Variants in PDGFRA observed in about 807,000 individuals in gnomAD.
PDGFRA encodes platelet derived growth factor receptor alpha.
PDGFRA carries 25 observed loss-of-function variants against 121.5 expected under a neutral mutation model. The ratio of observed to expected loss-of-function variants is 0.21; its 90% CI spans 0.15 to 0.29. PDGFRA has a LOEUF of 0.29. Ranked by LOEUF, PDGFRA falls within the 10% of genes least tolerant of loss-of-function variation. The probability of loss-of-function intolerance (pLI) is 1.00; values close to 1 mark genes in which losing one functional copy is unlikely to be tolerated. For synonymous variants in PDGFRA, 463 were observed against 494.8 expected, an observed-to-expected ratio of 0.94 and a Z score of 0.85; for missense variants, 1,008 against 1,345.1, an observed-to-expected ratio of 0.75 and a Z score of 3.92.
At position 54,235,082 on chromosome 4, in the gene PDGFRA, T is replaced by C. The variant is rs568190532; in HGVS notation, c.-13+5667T>C. On this transcript the variant is annotated intron_variant, in intron 1 of 22. Coordinates refer to ENST00000257290, the MANE Select transcript of PDGFRA (RefSeq NM_006206.6). Reference sequence around the variant, plus strand: ...GAAAACAGGGAGAAGTTTCCACCAGTGTAGACCTGCACTTGGTTTGCCTGG... The same window carrying C: ...GAAAACAGGGAGAAGTTTCCACCAGCGTAGACCTGCACTTGGTTTGCCTGG... 3.9e-5 allele frequency among the ~76,000 whole-genome samples: 6 copies of C among 152,268 alleles called. No homozygotes were observed. In the East Asian group the frequency reaches 1.2e-3, roughly 29 times the overall value.
At position 54,264,634 on chromosome 4, in the gene PDGFRA, G is replaced by A. The variant is rs1307196929; in HGVS notation, c.629-285G>A. On this transcript the variant is annotated intron_variant, in intron 4 of 22. Coordinates refer to ENST00000257290, the MANE Select transcript of PDGFRA (RefSeq NM_006206.6). ...TTTATTAGTCAAGGAGATTGTGGAC[G>A]AGTATAACCATAACTAACCCACTGC... 11 of 367,706 alleles carry A rather than the reference G, an allele frequency of 3.0e-5. 1 individual carries two copies. The highest frequency in any genetic ancestry group is 2.2e-4 in the South Asian group (9 of 40,866). The allele number at this position is 367,706 out of a possible 1,614,324, so 22.8% of individuals were successfully genotyped here.
At position 54,296,172 on chromosome 4, in the gene PDGFRA, A is replaced by G. The variant is rs530757425; in HGVS notation, c.*900A>G. Reference sequence around the variant, plus strand: ...CCAGGAAGTCAGAATTTTTAACTGTACTGAATAGGTTCCCCAATCCATCGT... The same window carrying G: ...CCAGGAAGTCAGAATTTTTAACTGTGCTGAATAGGTTCCCCAATCCATCGT... On this transcript the variant is annotated 3_prime_UTR_variant, in exon 23 of 23. Transcript: ENST00000257290. 3 of 232,924 alleles carry G rather than the reference A, an allele frequency of 1.3e-5. No individual in the cohort carries two copies. Among genetic ancestry groups the G allele is most frequent in the Non-Finnish European group, 2.5e-5 (3 of 117,760 alleles). The allele number at this position is 232,924 out of a possible 1,614,324, so 14.4% of individuals were successfully genotyped here. A position where few individuals can be genotyped will look rare whatever the true frequency, so the allele number is the denominator to read the frequency against.
chr4:54,242,256 T>C (rs1266811066), intron 1 of PDGFRA, among the ~76,000 whole-genome samples: 1 of 151,884 alleles, frequency 6.6e-6, no homozygotes, highest in Non-Finnish European at 1.5e-5. Flanking sequence ...ATTTTCTCAC[T>C]TGAATTTTTT....
rs770239193 is a variant in PDGFRA, at chr4:54,277,508, TGGGGATTTTTTGAGCAC to T, written c.1891+33_1891+49del. 41 of 1,562,134 alleles carry T rather than the reference TGGGGATTTTTTGAGCAC, an allele frequency of 2.6e-5. No homozygotes were observed. In the African/African-American group the frequency reaches 2.7e-4, roughly 10 times the overall value. Reference sequence around the variant, plus strand: ...ATGCTAAAACGTAAGTGCTCCTTCCTGGGGATTTTTTGAGCACGGGGATTTTTTGAGCATGGGGATAT... The same window carrying T: ...ATGCTAAAACGTAAGTGCTCCTTCCTGGGGATTTTTTGAGCATGGGGATAT... On this transcript the variant is annotated intron_variant, in intron 13 of 22. Transcript: ENST00000257290.
At chr4:54,293,749 A>ATTAGCT (rs761374594) in intron 22 of PDGFRA, among the ~76,000 whole-genome samples, 19 of 152,132 alleles carry the variant, frequency 1.2e-4, no homozygotes, top group Non-Finnish European at 2.2e-4. Flanking sequence ...TTAACTCAGC[A>ATTAGCT]CCAAGGTGGA....
chr4:54,281,676 C>T, intron 16 of PDGFRA: 1 of 1,361,932 alleles, frequency 7.3e-7, no homozygotes, highest in Non-Finnish European at 9.7e-7. Flanking sequence ...TTCTGGCCTT[C>T]CGTGACTATC....
At chr4:54,272,552 T>C in intron 9 of PDGFRA, 32 bp downstream of exon 9, 7 of 1,608,296 alleles carry the variant, frequency 4.4e-6, no homozygotes, top group Non-Finnish European at 5.9e-6. Context: ...TCTTCTTTCG[T>C]GGTCAGAATA....
At chr4:54,293,129 A>G (rs1316375686) in intron 22 of PDGFRA, among the ~76,000 whole-genome samples, 2 of 152,178 alleles carry the variant, frequency 1.3e-5, no homozygotes, top group African/African-American at 4.8e-5. Flanking sequence ...TAAGTTCACT[A>G]TGTCTCTATT....
At chr4:54,292,110 C>T (rs189352474) in intron 22 of PDGFRA, among the ~76,000 whole-genome samples, 3 of 152,212 alleles carry the variant, frequency 2.0e-5, no homozygotes, top group African/African-American at 7.2e-5. Flanking sequence ...GACAGTGTGG[C>T]GATTCCCCAA....
chr4:54,271,981 CCCCTCCCCTCCCCCCTCCCCCCCT>C (rs1723419055), intron 8 of PDGFRA, among the ~76,000 whole-genome samples: 1 of 5,970 alleles, frequency 1.7e-4, no homozygotes, highest in Non-Finnish European at 3.5e-4. Flanking sequence ...CCCTCCCCTC[CCCCTCCCCTCCCCCCTCCCCCCCT>C]CCCCTCCCCT....
chr4:54,263,988 T>G (rs1390764937), intron 4 of PDGFRA, 61 bp downstream of exon 4: 1 of 1,496,458 alleles, frequency 6.7e-7, no homozygotes, highest in Admixed American at 1.9e-5. Context: ...ATAAGGTGCG[T>G]GTAGGATTTT....
intron 16 of PDGFRA, chr4:54,281,940 G>A: frequency 9.0e-7 from 1 of 1,106,678 alleles, no homozygotes; most frequent in African/African-American, 1.6e-5. Flanking sequence ...TACTACAAAG[G>A]TGGCTTTAAA....
intron 21 of PDGFRA, among the ~76,000 whole-genome samples, chr4:54,289,857 G>T (rs1285906973): frequency 6.6e-6 from 1 of 152,226 alleles, no homozygotes; most frequent in Non-Finnish European, 1.5e-5. Context: ...GCTCTGACTG[G>T]TGGAAATGTG....
intron 3 of PDGFRA, among the ~76,000 whole-genome samples, chr4:54,261,929 ATAT>A (rs1553902515): frequency 4.8e-4 from 29 of 60,476 alleles, no homozygotes; most frequent in Non-Finnish European, 4.9e-4. Flanking sequence ...ATATATATAT[ATAT>A]TTTTTTTTTT....
intron 1 of PDGFRA, chr4:54,240,042 G>A (rs1054279094): frequency 2.6e-5 from 11 of 420,868 alleles, no homozygotes; most frequent in Non-Finnish European, 3.4e-5. Flanking sequence ...TTGTAGAGAC[G>A]GGGTTTTGCC....
chr4:54,267,549 C>T lies in PDGFRA; in HGVS notation c.932-3C>T, dbSNP rs2110266197. ...TATTTAATGGAAACTCTTCCCTGTA[C>T]AGAGAAAGGTTTCATTGAAATCAAA... On this transcript the variant is annotated splice_polypyrimidine_tract_variant and splice_region_variant and intron_variant, in intron 6 of 22. Coordinates refer to ENST00000257290, the MANE Select transcript of PDGFRA (RefSeq NM_006206.6). The T allele has an allele frequency of 2.5e-6, 4 of 1,614,132 alleles. No individual in the cohort carries two copies. The highest frequency in any genetic ancestry group is 3.4e-6 in the Non-Finnish European group (4 of 1,179,994).
At chr4:54,281,896 G>A (rs1560486640) in intron 16 of PDGFRA, 15 of 1,144,620 alleles carry the variant, frequency 1.3e-5, no homozygotes, top group Non-Finnish European at 1.6e-5. Flanking sequence ...ACATGTGATT[G>A]GTGGTTGATT....
At chr4:54,272,666 G>A in intron 9 of PDGFRA, 146 bp downstream of exon 9, 4 of 852,786 alleles carry the variant, frequency 4.7e-6, no homozygotes, top group Non-Finnish European at 5.7e-6. Flanking sequence ...GTCATGAATA[G>A]CTGTGAGAAG....
chr4:54,237,649 C>T (rs1320327227), intron 1 of PDGFRA, among the ~76,000 whole-genome samples: 2 of 152,190 alleles, frequency 1.3e-5, no homozygotes, highest in African/African-American at 2.4e-5. Flanking sequence ...TGCCTGCCAC[C>T]GCAGCAGTGT....
Sources: allele counts gnomAD v4.1 joint callset (sites outside exome capture counted in the v4.1 genomes callset), GRCh38; gene constraint gnomAD v4.1.1; transcripts MANE v1.5; gene names NCBI Gene and HGNC (gene_info 2026-07-23, HGNC 2026-07-21).